The following PRSS57 variants were observed in gnomAD, a reference collection of about 807,000 sequenced individuals.
PRSS57 encodes serine protease 57, also known as neutrophil serine protease 4.
Under a neutral mutation model 20.6 loss-of-function variants are expected in PRSS57, and 19 were observed. The ratio of observed to expected loss-of-function variants is 0.92; its 90% confidence interval spans 0.64 to 1.35. The LOEUF is 1.35. Ranked by LOEUF, PRSS57 falls within the 40% of genes most tolerant of loss-of-function variation. PRSS57 has a pLI of 0.00. For missense variants in PRSS57, 440 were observed against 403.7 expected (o/e 1.09, Z -0.77); for synonymous variants, 203 against 176.6 (o/e 1.15, Z -1.19).
chr19:686,339 C>T (rs962110370), intron 4 of PRSS57, among the ~76,000 whole-genome samples: 1 of 151,928 alleles, frequency 6.6e-6, no homozygotes, highest in African/African-American at 2.4e-5. Flanking sequence ...GGAGAGGGCT[C>T]CCCGTATACT....
In PRSS57 at chr19:691,830, A is replaced by G. The variant is rs780646572; in HGVS notation, c.378+28T>C. The G allele has an allele frequency of 1.1e-5, 14 of 1,323,792 alleles. No homozygotes were observed. The Admixed American group carries it at 3.4e-4, about 32-fold the overall frequency. 82.0% of individuals were successfully genotyped at this position (1,323,792 alleles called of 1,614,324 possible). On this transcript the variant is annotated intron_variant, in intron 3 of 4. Coordinates refer to ENST00000329267, the MANE Select transcript of PRSS57 (RefSeq NM_001308209.2). ...CGAGAGACTGTCTCAAAAACTAAAC[A>G]TACGTCAGATCCACCCCCGGGGCTC... is the stretch of plus-strand genomic sequence containing the variant.
intron 3 of PRSS57, among the ~76,000 whole-genome samples, chr19:688,057 C>G (rs918659947): frequency 6.6e-6 from 1 of 152,236 alleles, no homozygotes; most frequent in African/African-American, 2.4e-5. Context: ...AGTGACACCC[C>G]GGGCTCTGTG....
rs142831623 is a variant in PRSS57 at position 688,298 on chromosome 19, G to C, written c.379-1110C>G. Among the ~76,000 whole-genome samples the C allele has an allele frequency of 6.4e-3, 965 of 151,462 alleles. 8 individuals are homozygous for C. Among genetic ancestry groups the C allele is most frequent in the African/African-American group, 0.022 (911 of 41,186 alleles). On this transcript the variant is annotated intron_variant, in intron 3 of 4. Coordinates refer to ENST00000329267, the MANE Select transcript of PRSS57 (RefSeq NM_001308209.2). ...CCAGGCTTCAGGGTTTCACAGATGA[G>C]AAAAATTCACCCAAAAGCTTTGGCT...
Position 694,966 on chromosome 19 carries a change from G to C in PRSS57, c.81C>G (p.Gly27=). ...CCCCGATGATCTGGGCCCCCCAGGA[G>C]CCTGCTGGAGGGACGGCCTGAGTCA... ...TALMLPVKPP[G]SWGAQIIGGH... Residue 27 remains glycine (G), a splice_region_variant and synonymous_variant, in exon 2 of 5, where the codon GGC becomes GGG. Coordinates refer to ENST00000329267, the MANE Select transcript of PRSS57 (RefSeq NM_001308209.2). 2 of 1,534,144 alleles carry C rather than the reference G, an allele frequency of 1.3e-6. No individual in the cohort carries two copies. The highest frequency in any genetic ancestry group is 1.8e-6 in the Non-Finnish European group (2 of 1,140,410).
intron 4 of PRSS57, 142 bp from the exon 5 acceptor site, chr19:686,064 C>T (rs1779291911): frequency 2.6e-6 from 2 of 763,790 alleles, no homozygotes. Context: ...CCCTCCAGGC[C>T]CTGAGGACCC....
At position 694,742 on chromosome 19, in the gene PRSS57, C is replaced by T. The variant is rs370782789; in HGVS notation, c.233+72G>A. ...CAGGAGCCACGGCGCCCCCAGCTCC[C>T]CCACCAGCCTGGAGTCCCCCTCATG... On this transcript the variant is annotated intron_variant, in intron 2 of 4. Coordinates refer to ENST00000329267, the MANE Select transcript of PRSS57 (RefSeq NM_001308209.2). 266 of 1,486,624 alleles carry T rather than the reference C, an allele frequency of 1.8e-4. 1 individual carries two copies. In the African/African-American group the frequency reaches 3.2e-3, roughly 18 times the overall value. The allele number at this position is 1,486,624 out of a possible 1,614,324, so 92.1% of individuals were successfully genotyped here. A position where few individuals can be genotyped will look rare whatever the true frequency, so the allele number is the denominator to read the frequency against.
In PRSS57 at chr19:694,925, G is replaced by C. The variant is rs1483689177; in HGVS notation, c.122C>G (p.Pro41Arg). 1 of 1,588,322 alleles carries C rather than the reference G, an allele frequency of 6.3e-7. No homozygotes were observed. The highest frequency in any genetic ancestry group is 1.8e-5 in the Admixed American group (1 of 56,442). The change falls in exon 2 of 5, where the codon CCC becomes CGC. Residue 41 changes from proline to arginine, a missense_variant. Pro to Arg is a moderately radical substitution (Grantham distance 103). Coordinates refer to ENST00000329267, the MANE Select transcript of PRSS57 (RefSeq NM_001308209.2). The stretch of plus-strand genomic sequence containing the variant: ...GGATGCCATGTAGGGCCTGGAGTGG[G>C]GGGTCACCTCGTGGCCCCCGATGAT... ...AQIIGGHEVT[P>R]HSRPYMASVR...
chr19:686,798 C>T, intron 4 of PRSS57, 127 bp downstream of exon 4: 4 of 1,225,886 alleles, frequency 3.3e-6, no homozygotes, highest in African/African-American at 1.5e-5. Context: ...CTTCCCTGGG[C>T]CTCAGCTTCT....
At chr19:694,327 G>T (rs1174981143) in intron 2 of PRSS57, among the ~76,000 whole-genome samples, 1 of 151,916 alleles carries the variant, frequency 6.6e-6, no homozygotes, top group African/African-American at 2.4e-5. Flanking sequence ...CAGCACTTTG[G>T]GAGGCAGAGG....
chr19:693,132 C>T (rs966328068), intron 2 of PRSS57, among the ~76,000 whole-genome samples: 9 of 151,040 alleles, frequency 6.0e-5, no homozygotes, highest in South Asian at 2.1e-4. Flanking sequence ...AGGGTTTCAC[C>T]GTGTTAGCCA....
At chr19:692,277 G>A (rs926439656) in intron 2 of PRSS57, among the ~76,000 whole-genome samples, 2 of 151,628 alleles carry the variant, frequency 1.3e-5, no homozygotes, top group African/African-American at 4.8e-5. Context: ...GCTGAGGCAG[G>A]AGAATTGCTT....
intron 2 of PRSS57, among the ~76,000 whole-genome samples, chr19:693,312 C>T (rs1390527087): frequency 6.7e-6 from 1 of 149,948 alleles, no homozygotes; most frequent in East Asian, 2.0e-4. Context: ...ACTGCAGCCT[C>T]GACCTCCCAG....
At position 685,901 on chromosome 19, in the gene PRSS57, C is replaced by G; in HGVS notation, c.664G>C (p.Val222Leu). 1 of 1,547,232 alleles carries G rather than the reference C, an allele frequency of 6.5e-7. No individual in the cohort carries two copies. Among genetic ancestry groups the G allele is most frequent in the Admixed American group, 2.0e-5 (1 of 51,104 alleles). The part of the protein sequence containing the change: ...FCSADSGGPL[V>L]CRNRAHGLVS... ...AGGCCGTGAGCCCGGTTCCTGCACA[C>G]CAGGGGCCCTCCGGAGTCGGCCTGG... The change falls in exon 5 of 5, where the codon GTG becomes CTG. Residue 222 changes from valine to leucine, a missense_variant. Physicochemically the swap from Val to Leu is conservative, Grantham distance 32 (BLOSUM62 1). Coordinates refer to ENST00000329267, the MANE Select transcript of PRSS57 (RefSeq NM_001308209.2).
At chr19:690,985 A>G in intron 3 of PRSS57, 1 of 434,402 alleles carries the variant, frequency 2.3e-6, no homozygotes. Context: ...CACCTTAGCC[A>G]GGGGCTGCAC....
At chr19:694,777 G>C in intron 2 of PRSS57, 37 bp downstream of exon 2, 1 of 1,584,334 alleles carries the variant, frequency 6.3e-7, no homozygotes, top group Non-Finnish European at 8.6e-7. Flanking sequence ...GTCGGGATAC[G>C]GTGTCCAGAA....
Position 694,808 on chromosome 19 carries a change from G to A in PRSS57, c.233+6C>T, listed in dbSNP as rs774441342. On this transcript the variant is annotated splice_donor_region_variant and intron_variant, in intron 2 of 4. Coordinates refer to ENST00000329267, the MANE Select transcript of PRSS57 (RefSeq NM_001308209.2). ...CAGAAAGAAGGGGCCCGACAGGTGA[G>A]CTCACCTGTGGCTGAAGCAGTGGGC... 55 of 1,604,676 alleles carry A rather than the reference G, an allele frequency of 3.4e-5. No individual in the cohort carries two copies. In the Admixed American group the frequency reaches 4.4e-4, roughly 13 times the overall value.
intron 3 of PRSS57, among the ~76,000 whole-genome samples, chr19:691,585 C>T (rs530497438): frequency 1.3e-5 from 2 of 150,170 alleles, no homozygotes; most frequent in Admixed American, 1.3e-4. Context: ...TTTGGGAGGC[C>T]GAGGCAGGTG....
In PRSS57 at chr19:692,022, G is replaced by A; in HGVS notation, c.234-20C>T. 1 of 1,305,514 alleles carries A rather than the reference G, an allele frequency of 7.7e-7. No homozygotes were observed. The highest frequency in any genetic ancestry group is 9.8e-7 in the Non-Finnish European group (1 of 1,019,246). The allele number at this position is 1,305,514 out of a possible 1,614,324, so 80.9% of individuals were successfully genotyped here. ...AGGTCTCTGCAGGGAGGAGGTGGTG[G>A]GTGAGACGGGGGTGAGGGCTGCCCG... On this transcript the variant is annotated intron_variant, in intron 2 of 4. Transcript: ENST00000329267.
At chr19:690,663 G>T in intron 3 of PRSS57, 1 of 278,876 alleles carries the variant, frequency 3.6e-6, no homozygotes, top group South Asian at 3.9e-5. Context: ...ATCCGCACCG[G>T]CCAGCGCACC....
Sources: gnomAD v4.1 joint callset for allele counts (sites outside exome capture counted in the v4.1 genomes callset) on GRCh38, gnomAD v4.1.1 for gene constraint, MANE v1.5 for transcripts, NCBI Gene and HGNC (gene_info 2026-07-23, HGNC 2026-07-21) for gene names.